RPL31: variants seen among roughly 807,000 people sequenced by gnomAD.
RPL31 encodes the protein ribosomal protein L31, also known as large ribosomal subunit protein eL31.
For missense variants in RPL31, 95 were observed against 164.0 expected (o/e 0.58, Z 2.30); for synonymous variants, 51 against 55.0 (o/e 0.93, Z 0.32).
chr2:101,008,096 C>A, downstream of RPL31: 1 of 1,613,858 alleles, frequency 6.2e-7, no homozygotes, highest in African/African-American at 1.3e-5. Flanking sequence ...GGAGCTGAAG[C>A]CCGCAGCTCC....
At chr2:101,002,392 A>G in intron 1 of RPL31, 77 bp downstream of exon 1, 2 of 388,536 alleles carry the variant, frequency 5.1e-6, no homozygotes. Context: ...CTGGGACCGC[A>G]AAATCTCTCC....
At chr2:101,012,113 T>C (rs929534487), downstream of RPL31, among the ~76,000 whole-genome samples, 4 of 152,216 alleles carry the variant, frequency 2.6e-5, no homozygotes, top group Admixed American at 6.5e-5. Flanking sequence ...ATATTGACGA[T>C]GGGAATATAA....
intron 3 of RPL31, chr2:101,005,746 A>G: frequency 1.8e-6 from 1 of 570,906 alleles, no homozygotes. Flanking sequence ...CTACCTTAAC[A>G]TGTCTTCAAA....
At chr2:101,002,619 G>T in intron 1 of RPL31, 83 bp from the exon 2 acceptor site, 1 of 1,174,322 alleles carries the variant, frequency 8.5e-7, no homozygotes. Flanking sequence ...AGCGCCCCGA[G>T]AGTGACAGCG....
At chr2:101,011,454 TGG>T, downstream of RPL31, 1 of 1,613,876 alleles carries the variant, frequency 6.2e-7, no homozygotes, top group Non-Finnish European at 8.5e-7. Context: ...TACGTGCCAT[TGG>T]GTTTCCCGAA....
At chr2:101,005,750 C>T in intron 3 of RPL31, 1 of 574,738 alleles carries the variant, frequency 1.7e-6, no homozygotes, top group South Asian at 2.2e-5. Flanking sequence ...CTTAACATGT[C>T]TTCAAACAAG....
chr2:101,009,378 C>T (rs969831224), downstream of RPL31, among the ~76,000 whole-genome samples: 6 of 150,074 alleles, frequency 4.0e-5, no homozygotes, highest in African/African-American at 1.5e-4. Flanking sequence ...TGCACTCTAG[C>T]CTGGGCGACA....
At chr2:101,018,958 C>G (rs1679854106) in intron 4 of RPL31, 1 of 1,604,602 alleles carries the variant, frequency 6.2e-7, no homozygotes, top group Non-Finnish European at 8.5e-7. Flanking sequence ...TGTGTGTTAC[C>G]TGACATGGTA....
At chr2:101,008,228 C>T, downstream of RPL31, 3 of 1,598,880 alleles carry the variant, frequency 1.9e-6, no homozygotes, top group South Asian at 2.3e-5. Context: ...TCTGGATCTT[C>T]ATGGAACATA....
exon 5 of RPL31, chr2:101,019,187 G>A (rs1399790558): frequency 2.7e-5 from 29 of 1,072,758 alleles, no homozygotes; most frequent in East Asian, 5.3e-5. Flanking sequence ...CTACACGGCC[G>A]GGGTTTCAAC....
downstream of RPL31, chr2:101,007,730 C>T (rs1678835416): frequency 7.3e-7 from 1 of 1,369,230 alleles, no homozygotes; most frequent in East Asian, 2.3e-5. Context: ...GTAAGGTAGA[C>T]TGAAATCTCG....
chr2:101,018,526 G>A (rs1679822784), intron 4 of RPL31, among the ~76,000 whole-genome samples: 1 of 152,198 alleles, frequency 6.6e-6, no homozygotes, highest in East Asian at 1.9e-4. Flanking sequence ...TTCACAGAAA[G>A]CTGAACACAA....
downstream of RPL31, among the ~76,000 whole-genome samples, chr2:101,009,485 C>T (rs1166972991): frequency 1.3e-5 from 2 of 150,780 alleles, no homozygotes; most frequent in East Asian, 3.9e-4. Context: ...CATGGTTATT[C>T]TGAAAGGAAA....
chr2:101,007,677 C>T, downstream of RPL31: 1 of 825,362 alleles, frequency 1.2e-6, no homozygotes, highest in Non-Finnish European at 1.9e-6. Flanking sequence ...TGTCGGTTCC[C>T]CTGGCCACAG....
chr2:101,006,339 T>C lies in RPL31; in HGVS notation c.347-11T>C, dbSNP rs766923725. The C allele has an allele frequency of 7.6e-5, 123 of 1,609,166 alleles. No homozygotes were observed. Among genetic ancestry groups the C allele is most frequent in the Non-Finnish European group, 1.0e-4 (121 of 1,178,528 alleles). On this transcript the variant is annotated splice_polypyrimidine_tract_variant and intron_variant, in intron 4 of 4. Transcript: ENST00000264258. ...TGTGGGTATGGAAATTGACTGTTAC[T>C]TCCTTTACAGATCTACAGACAGTCA...
downstream of RPL31, among the ~76,000 whole-genome samples, chr2:101,010,611 G>A (rs926675171): frequency 6.6e-6 from 1 of 151,194 alleles, no homozygotes; most frequent in Non-Finnish European, 1.5e-5. Context: ...TCGGTCGGGC[G>A]CGGTGGCTCA....
chr2:101,012,850 A>G (rs1200910513), intron 4 of RPL31, among the ~76,000 whole-genome samples: 1 of 152,236 alleles, frequency 6.6e-6, no homozygotes, highest in East Asian at 1.9e-4. Flanking sequence ...ATGGCAGCAA[A>G]GCTTTGGAAA....
chr2:101,009,153 G>A (rs1678981925), downstream of RPL31, among the ~76,000 whole-genome samples: 1 of 152,180 alleles, frequency 6.6e-6, no homozygotes, highest in Admixed American at 6.5e-5. Flanking sequence ...CAGCACTTTG[G>A]GAGGCCAAGG....
At chr2:101,019,191 T>G in exon 5 of RPL31, 1 of 998,754 alleles carries the variant, frequency 1.0e-6, no homozygotes, top group South Asian at 1.7e-5. Context: ...ACGGCCGGGG[T>G]TTCAACAAGG....
Sources: allele counts gnomAD v4.1 joint callset (sites outside exome capture counted in the v4.1 genomes callset), GRCh38; gene constraint gnomAD v4.1.1; transcripts MANE v1.5; gene names NCBI Gene and HGNC (gene_info 2026-07-23, HGNC 2026-07-21).